The following EPM2A variants were observed in gnomAD, a reference collection of about 807,000 sequenced individuals.
EPM2A encodes laforin.
Under a neutral mutation model 26.5 loss-of-function variants are expected in EPM2A, and 21 were observed. That is an observed-to-expected ratio of 0.79 (90% confidence interval 0.56 to 1.14). EPM2A has a LOEUF of 1.14. EPM2A is among the 50% of genes most tolerant of loss of function. The pLI is 0.00. For missense variants in EPM2A, 458 were observed against 440.8 expected, an observed-to-expected ratio of 1.04 and a Z score of -0.35; for synonymous variants, 217 against 177.6, an observed-to-expected ratio of 1.22 and a Z score of -1.76.
chr6:145,597,366 T>C (rs944655044), intron 2 of EPM2A, among the ~76,000 whole-genome samples: 2 of 152,192 alleles, frequency 1.3e-5, no homozygotes, highest in East Asian at 3.8e-4. Context: ...GCTAAGCCTA[T>C]AATTATTTTC....
chr6:145,645,845 C>T (rs532135333), intron 2 of EPM2A, among the ~76,000 whole-genome samples: 9 of 152,128 alleles, frequency 5.9e-5, no homozygotes, highest in Admixed American at 6.6e-5. Context: ...CCACCCGCCT[C>T]GGCCTCTCAA....
At chr6:145,469,801 A>T (rs1376879839) in intron 4 of EPM2A, among the ~76,000 whole-genome samples, 5 of 152,184 alleles carry the variant, frequency 3.3e-5, no homozygotes, top group Admixed American at 3.3e-4. Flanking sequence ...TGGATAAAGA[A>T]AATATTGTGT....
intron 2 of EPM2A, among the ~76,000 whole-genome samples, chr6:145,545,895 G>C (rs1024528660): frequency 3.3e-5 from 5 of 152,094 alleles, no homozygotes; most frequent in Non-Finnish European, 7.4e-5. Flanking sequence ...TAGATCTGAA[G>C]GGTGTCACTT....
chr6:145,715,126 T>C (rs1297556891), intron 1 of EPM2A, among the ~76,000 whole-genome samples: 4 of 150,834 alleles, frequency 2.7e-5, no homozygotes, highest in Admixed American at 6.6e-5. Context: ...ATGATTATCA[T>C]ATACTTTACA....
chr6:145,598,543 C>T (rs1176030527), intron 2 of EPM2A, among the ~76,000 whole-genome samples: 1 of 152,116 alleles, frequency 6.6e-6, no homozygotes. Flanking sequence ...TATTTTCTCT[C>T]ATTCTCTAGG....
At chr6:145,471,037 T>TA in intron 4 of EPM2A, among the ~76,000 whole-genome samples, 1 of 152,280 alleles carries the variant, frequency 6.6e-6, no homozygotes, top group Admixed American at 6.5e-5. Context: ...GGCTAGCTGA[T>TA]AAAAGTTCAT....
At chr6:145,601,568 CAACT>C (rs1781417139) in intron 2 of EPM2A, among the ~76,000 whole-genome samples, 1 of 152,152 alleles carries the variant, frequency 6.6e-6, no homozygotes, top group African/African-American at 2.4e-5. Context: ...GTGCATTTCC[CAACT>C]AAGTGTTTTG....
intron 4 of EPM2A, among the ~76,000 whole-genome samples, chr6:145,413,150 G>A (rs1403115373): frequency 6.6e-6 from 1 of 152,190 alleles, no homozygotes; most frequent in Non-Finnish European, 1.5e-5. Flanking sequence ...CATTTTGAAG[G>A]TGACTACATT....
At chr6:145,396,756 G>A (rs1313817872) in intron 4 of EPM2A, among the ~76,000 whole-genome samples, 1 of 152,186 alleles carries the variant, frequency 6.6e-6, no homozygotes, top group Non-Finnish European at 1.5e-5. Flanking sequence ...CCCCATGGAT[G>A]TAAATATGTT....
intron 4 of EPM2A, chr6:145,490,806 T>A (rs1229953264): frequency 6.8e-6 from 4 of 589,042 alleles, no homozygotes; most frequent in South Asian, 5.7e-5. Context: ...TCTACCTGTA[T>A]GCTTGTAGGG....
At chr6:145,651,526 T>G (rs890541286) in intron 2 of EPM2A, among the ~76,000 whole-genome samples, 2 of 152,192 alleles carry the variant, frequency 1.3e-5, no homozygotes, top group Non-Finnish European at 2.9e-5. Context: ...TTTCCTCTAC[T>G]TAGCAACGCA....
chr6:145,459,227 C>G (rs1487161021), intron 4 of EPM2A, among the ~76,000 whole-genome samples: 1 of 152,072 alleles, frequency 6.6e-6, no homozygotes, highest in Non-Finnish European at 1.5e-5. Flanking sequence ...GAGGTGATAT[C>G]AAGTATAGGG....
chr6:145,560,965 T>C (rs1780796196), intron 2 of EPM2A, among the ~76,000 whole-genome samples: 1 of 152,104 alleles, frequency 6.6e-6, no homozygotes, highest in Non-Finnish European at 1.5e-5. Context: ...TTTAAGAAAA[T>C]GTACAGGGTG....
intron 2 of EPM2A, among the ~76,000 whole-genome samples, chr6:145,584,646 C>A (rs1781163997): frequency 6.6e-6 from 1 of 152,142 alleles, no homozygotes; most frequent in Non-Finnish European, 1.5e-5. Flanking sequence ...AGCTAGGATT[C>A]CATAGGTCTG....
chr6:145,735,735 A>C, upstream of EPM2A: 1 of 758,020 alleles, frequency 1.3e-6, no homozygotes, highest in Non-Finnish European at 1.6e-6. Context: ...GTGCCCCGCA[A>C]CCCCGCGGGC....
chr6:145,389,962 G>A (rs759509087), intron 4 of EPM2A, among the ~76,000 whole-genome samples: 4 of 152,146 alleles, frequency 2.6e-5, no homozygotes, highest in Non-Finnish European at 5.9e-5. Flanking sequence ...GTTAATTCTT[G>A]TGTTTTCTTA....
intron 4 of EPM2A, among the ~76,000 whole-genome samples, chr6:145,405,041 G>T (rs575364135): frequency 6.6e-6 from 1 of 152,094 alleles, no homozygotes; most frequent in Non-Finnish European, 1.5e-5. Context: ...AATTAAATAT[G>T]ACATTAATGG....
chr6:145,413,067 G>A (rs1047975333), intron 4 of EPM2A, among the ~76,000 whole-genome samples: 2 of 152,094 alleles, frequency 1.3e-5, no homozygotes, highest in African/African-American at 2.4e-5. Flanking sequence ...TTACTAAGGG[G>A]GATGAAATCA....
At position 145,664,093 on chromosome 6, in the gene EPM2A, G is replaced by A. The variant is rs1345735284; in HGVS notation, c.476+22029C>T. On this transcript the variant is annotated intron_variant, in intron 2 of 3. Coordinates refer to ENST00000367519, the MANE Select transcript of EPM2A (RefSeq NM_005670.4). ...ATGTAAAGACCATCGAGACTAGGAA[G>A]AAACTGCATCAACTAACGAGCAAAA... Among the ~76,000 whole-genome samples, 3 of 82,618 alleles carry A rather than the reference G, an allele frequency of 3.6e-5. 1 individual carries two copies. Among genetic ancestry groups the A allele is most frequent in the East Asian group, 4.7e-4 (1 of 2,114 alleles). 54.2% of individuals were successfully genotyped at this position (82,618 alleles called of 152,430 possible).
Sources: allele counts gnomAD v4.1 joint callset (sites outside exome capture counted in the v4.1 genomes callset), GRCh38; gene constraint gnomAD v4.1.1; transcripts MANE v1.5; gene names NCBI Gene and HGNC (gene_info 2026-07-23, HGNC 2026-07-21).